The following VPS13B variants were observed in gnomAD, a reference collection of about 807,000 sequenced individuals.
VPS13B encodes vacuolar protein sorting 13 homolog B.
VPS13B carries 285 observed loss-of-function variants against 426.4 expected under a neutral mutation model. The ratio of observed to expected loss-of-function variants is 0.67; its 90% CI spans 0.61 to 0.74. The LOEUF is 0.74. VPS13B is among the 30% of genes least tolerant of loss of function. VPS13B has a pLI of 0.00. For missense variants in VPS13B, 4,537 were observed against 4,782.6 expected (o/e 0.95, Z 1.51); for synonymous variants, 1,676 against 1,676.4 (o/e 1.00, Z 0.01).
intron 17 of VPS13B, 75 bp downstream of exon 17, chr8:99,193,132 C>T (rs909901860): frequency 6.3e-6 from 9 of 1,436,984 alleles, no homozygotes; most frequent in African/African-American, 1.4e-5. Flanking sequence ...TATGAAAATC[C>T]ATATGTCTAG....
intron 19 of VPS13B, among the ~76,000 whole-genome samples, chr8:99,297,569 A>T (rs1277012321): frequency 6.6e-6 from 1 of 152,218 alleles, no homozygotes; most frequent in Non-Finnish European, 1.5e-5. Flanking sequence ...TTTTTACAAA[A>T]TGAAAATGTC....
intron 5 of VPS13B, among the ~76,000 whole-genome samples, chr8:99,105,072 A>G (rs1846971585): frequency 6.6e-6 from 1 of 152,240 alleles, no homozygotes; most frequent in Non-Finnish European, 1.5e-5. Flanking sequence ...ATTAAGGCAT[A>G]CAACTAGGAA....
rs148485142 is a variant in VPS13B at position 99,101,220 on chromosome 8, C to T, written c.413-1733C>T. On this transcript the variant is annotated intron_variant, in intron 4 of 61. Transcript: ENST00000357162. Reference sequence around the variant, plus strand: ...GATCCCGGCTCACTGCAAGCTCCGCCTCCTGGGTTCACACCATCCTCCTGC... The same window carrying T: ...GATCCCGGCTCACTGCAAGCTCCGCTTCCTGGGTTCACACCATCCTCCTGC... Among the ~76,000 whole-genome samples, 1,347 of 152,270 alleles carry T rather than the reference C, an allele frequency of 8.8e-3. 7 individuals are homozygous for T. Among genetic ancestry groups the T allele is most frequent in the Non-Finnish European group, 0.014 (952 of 68,020 alleles).
At chr8:99,542,338 G>T (rs897577002) in intron 30 of VPS13B, among the ~76,000 whole-genome samples, 2 of 152,168 alleles carry the variant, frequency 1.3e-5, no homozygotes, top group Admixed American at 6.5e-5. Context: ...GTGGATAAGG[G>T]AGATTTTCTC....
chr8:99,735,733 A>C (rs1833796855), intron 39 of VPS13B, among the ~76,000 whole-genome samples: 1 of 152,190 alleles, frequency 6.6e-6, no homozygotes, highest in South Asian at 2.1e-4. Flanking sequence ...AGTGGTCAAA[A>C]AGGAAGGCCG....
chr8:99,832,068 C>T (rs928881177), intron 51 of VPS13B, among the ~76,000 whole-genome samples: 3 of 152,036 alleles, frequency 2.0e-5, no homozygotes, highest in African/African-American at 7.2e-5. Flanking sequence ...TGAGACCAGC[C>T]TTGGCCAACA....
At chr8:99,267,922 T>A (rs1310458590) in intron 17 of VPS13B, among the ~76,000 whole-genome samples, 1 of 151,662 alleles carries the variant, frequency 6.6e-6, no homozygotes, top group African/African-American at 2.4e-5. Flanking sequence ...GGAAAAATGG[T>A]TTTGTGGGCT....
chr8:99,638,553 A>G (rs1829160848), intron 33 of VPS13B, among the ~76,000 whole-genome samples: 1 of 152,188 alleles, frequency 6.6e-6, no homozygotes, highest in Non-Finnish European at 1.5e-5. Flanking sequence ...GTCTTCACAA[A>G]GAAGGTGAAT....
At chr8:99,434,795 T>A (rs113329163) in intron 22 of VPS13B, among the ~76,000 whole-genome samples, 33 of 152,214 alleles carry the variant, frequency 2.2e-4, no homozygotes, top group Non-Finnish European at 4.3e-4. Context: ...TATGACTCTT[T>A]TAGGGATATC....
At chr8:99,448,434 C>A (rs890757260) in intron 23 of VPS13B, among the ~76,000 whole-genome samples, 2 of 152,090 alleles carry the variant, frequency 1.3e-5, no homozygotes, top group East Asian at 1.9e-4. Flanking sequence ...TAGAAATTAA[C>A]TTCTTATGAA....
chr8:99,374,536 C>G (rs1296218527), intron 19 of VPS13B, among the ~76,000 whole-genome samples: 1 of 151,986 alleles, frequency 6.6e-6, no homozygotes, highest in African/African-American at 2.4e-5. Flanking sequence ...ATTGTTTCCT[C>G]TTTTTATAAT....
chr8:99,442,567 C>G lies in VPS13B; in HGVS notation c.3377C>G (p.Ala1126Gly). 1 of 1,613,964 alleles carries G rather than the reference C, an allele frequency of 6.2e-7. No individual in the cohort carries two copies. The highest frequency in any genetic ancestry group is 8.5e-7 in the Non-Finnish European group (1 of 1,179,910). The part of the protein sequence containing the change: ...LCLPQIKIIS[A>G]GHKYMEPLQE... ...TTGCCTCAAATAAAGATTATTAGTG[C>G]TGGGCACAAGTATATGGAACCTCTG... is the stretch of plus-strand genomic sequence containing the variant. The change falls in exon 23 of 62, where the codon GCT (alanine) becomes GGT (glycine). Residue 1126 changes from alanine to glycine, a missense_variant. Transcript: ENST00000357162.
At chr8:99,154,719 A>C (rs1811264989) in intron 14 of VPS13B, among the ~76,000 whole-genome samples, 1 of 152,178 alleles carries the variant, frequency 6.6e-6, no homozygotes, top group Admixed American at 6.5e-5. Context: ...ACACCCTAGG[A>C]ATAAGTACAG....
At chr8:99,055,493 C>T (rs550367532) in intron 3 of VPS13B, among the ~76,000 whole-genome samples, 15 of 152,210 alleles carry the variant, frequency 9.9e-5, no homozygotes, top group African/African-American at 3.1e-4. Context: ...AGCATCTTAA[C>T]GATGTTAAGT....
intron 17 of VPS13B, among the ~76,000 whole-genome samples, chr8:99,211,298 CA>C (rs1381121991): frequency 6.6e-6 from 1 of 152,184 alleles, no homozygotes; most frequent in Non-Finnish European, 1.5e-5. Context: ...TCTTTTAACT[CA>C]CACACACCTC....
At chr8:99,491,406 C>T (rs1172427483) in intron 25 of VPS13B, among the ~76,000 whole-genome samples, 1 of 152,144 alleles carries the variant, frequency 6.6e-6, no homozygotes, top group Non-Finnish European at 1.5e-5. Flanking sequence ...GAATGTTGGC[C>T]TGCTTTGCTA....
chr8:99,449,857 G>T (rs1818101379), intron 23 of VPS13B, among the ~76,000 whole-genome samples: 1 of 152,038 alleles, frequency 6.6e-6, no homozygotes, highest in Non-Finnish European at 1.5e-5. Context: ...CACCAGGCTG[G>T]AGTGAAGTGG....
intron 24 of VPS13B, among the ~76,000 whole-genome samples, chr8:99,473,430 A>G (rs1466350160): frequency 6.6e-6 from 1 of 152,134 alleles, no homozygotes; most frequent in African/African-American, 2.4e-5. Context: ...GATCATCTCA[A>G]TAAATTCAAG....
At chr8:99,401,942 C>T (rs1815061320) in intron 21 of VPS13B, among the ~76,000 whole-genome samples, 1 of 152,062 alleles carries the variant, frequency 6.6e-6, no homozygotes, top group Admixed American at 6.5e-5. Context: ...CTCATGTTGG[C>T]CAGGCTAGTC....
Sources: gnomAD v4.1 joint callset for allele counts (sites outside exome capture counted in the v4.1 genomes callset) on GRCh38, gnomAD v4.1.1 for gene constraint, MANE v1.5 for transcripts, NCBI Gene and HGNC (gene_info 2026-07-23, HGNC 2026-07-21) for gene names.